Variants in FHAD1 observed in about 807,000 individuals in gnomAD.
FHAD1 encodes the protein forkhead-associated domain-containing protein 1.
A neutral mutation model predicts 191.3 loss-of-function variants in FHAD1; 146 were observed. The ratio of observed to expected loss-of-function variants is 0.76; its 90% CI spans 0.67 to 0.88. The LOEUF (loss-of-function observed/expected upper bound fraction) is 0.88, where lower values mean the gene tolerates loss of function less well. FHAD1 is among the 40% of genes least tolerant of loss of function. The probability of loss-of-function intolerance (pLI) is 0.00; values close to 1 mark genes in which losing one functional copy is unlikely to be tolerated. For missense variants in FHAD1, 1,635 were observed against 1,785.8 expected (o/e 0.92, Z 1.52); for synonymous variants, 616 against 672.3 (o/e 0.92, Z 1.29).
At chr1:15,358,000 G>T in intron 20 of FHAD1, 110 bp from the exon 21 acceptor site, 1 of 753,942 alleles carries the variant, frequency 1.3e-6, no homozygotes, top group South Asian at 2.2e-5. Flanking sequence ...AGAATCGACA[G>T]AATAATTAGA....
chr1:15,284,765 G>C (rs996090631), intron 3 of FHAD1, among the ~76,000 whole-genome samples: 2 of 152,152 alleles, frequency 1.3e-5, no homozygotes, highest in Non-Finnish European at 2.9e-5. Context: ...GTTTATTCAA[G>C]CTGATAGAAA....
intron 10 of FHAD1, among the ~76,000 whole-genome samples, chr1:15,321,104 T>C (rs1676108950): frequency 6.6e-6 from 1 of 152,188 alleles, no homozygotes; most frequent in African/African-American, 2.4e-5. Flanking sequence ...CCAGCTAAAC[T>C]TGTATTTTTA....
intron 1 of FHAD1, among the ~76,000 whole-genome samples, chr1:15,248,971 A>G (rs1189833033): frequency 6.6e-6 from 1 of 152,078 alleles, no homozygotes; most frequent in Non-Finnish European, 1.5e-5. Context: ...TGCCCTACAG[A>G]TGTCCTTGGA....
intron 2 of FHAD1, among the ~76,000 whole-genome samples, chr1:15,252,421 G>A (rs1646893843): frequency 1.3e-5 from 2 of 152,214 alleles, no homozygotes; most frequent in South Asian, 2.1e-4. Context: ...GGATGCTATG[G>A]AAAGGGGAGA....
At chr1:15,272,277 T>C (rs931267727) in intron 2 of FHAD1, 46 bp from the exon 3 acceptor site, 1 of 1,512,944 alleles carries the variant, frequency 6.6e-7, no homozygotes, top group Admixed American at 2.0e-5. Flanking sequence ...AGGGGCCGTG[T>C]CATTTTTGTT....
intron 14 of FHAD1, among the ~76,000 whole-genome samples, chr1:15,335,786 A>G (rs1683811100): frequency 1.3e-5 from 2 of 152,194 alleles, no homozygotes; most frequent in South Asian, 4.1e-4. Flanking sequence ...CAAAATCCCC[A>G]TTATGATTAC....
Position 15,313,039 on chromosome 1 carries a change from G to T in FHAD1, c.1040-18G>T. The T allele has an allele frequency of 6.4e-7, 1 of 1,551,364 alleles. No homozygotes were observed. Among genetic ancestry groups the T allele is most frequent in the Non-Finnish European group, 8.7e-7 (1 of 1,146,828 alleles). On this transcript the variant is annotated intron_variant, in intron 7 of 33. Transcript: ENST00000688493. The stretch of plus-strand genomic sequence containing the variant: ...TCCTCACTGCCTCTTTGACCTCTGC[G>T]AGTCTTCTTTTTTACAGGGATGGTG...
intron 32 of FHAD1, among the ~76,000 whole-genome samples, chr1:15,390,544 G>A (rs1410403189): frequency 6.6e-6 from 1 of 151,922 alleles, no homozygotes; most frequent in Non-Finnish European, 1.5e-5. Flanking sequence ...GGCCCCTGTA[G>A]GCATGAGGTT....
intron 31 of FHAD1, among the ~76,000 whole-genome samples, chr1:15,386,359 C>T (rs768939463): frequency 3.9e-5 from 6 of 152,228 alleles, no homozygotes; most frequent in Non-Finnish European, 2.9e-5. Flanking sequence ...CTCCTAGAGC[C>T]GGCAGCGCCT....
chr1:15,381,379 C>T lies in FHAD1; in HGVS notation c.3950C>T (p.Thr1317Ile). The change falls in exon 30 of 34, where the codon ACC (threonine) becomes ATC (isoleucine). Residue 1317 changes from threonine (T) to isoleucine (I), a missense_variant. Transcript: ENST00000688493. This position sits in a 1 kb window ranked among gnomAD's most constrained non-coding sequence, Gnocchi z 4.6. ...CTCGACCTGGTGTTTGATAAGATCA[C>T]CCAACTCAAGAACCAGCTGGGGAGG... Reference protein sequence around the residue: ...RDLDLVFDKITQLKNQLGRKE... With the variant: ...RDLDLVFDKIIQLKNQLGRKE... The T allele has an allele frequency of 6.4e-7, 1 of 1,551,754 alleles. No homozygotes were observed. The highest frequency in any genetic ancestry group is 8.7e-7 in the Non-Finnish European group (1 of 1,147,002).
intron 26 of FHAD1, 50 bp downstream of exon 26, chr1:15,369,552 C>G (rs1309148483): frequency 6.6e-7 from 1 of 1,526,664 alleles, no homozygotes; most frequent in East Asian, 2.5e-5. Context: ...AAGACACAGC[C>G]CAGTGGTGGC....
chr1:15,383,362 A>ATGACCCATGCTGCCCG (rs1553120754), intron 31 of FHAD1: 4 of 417,810 alleles, frequency 9.6e-6, no homozygotes, highest in African/African-American at 4.0e-5. Context: ...CATGCTGCCC[A>ATGACCCATGCTGCCCG]TGACCCATGC....
chr1:15,348,572 A>T (rs578195297), intron 18 of FHAD1, among the ~76,000 whole-genome samples: 73 of 152,338 alleles, frequency 4.8e-4, no homozygotes, highest in African/African-American at 1.7e-3. Context: ...TTAGTCCAAC[A>T]TACTGCCCTT....
chr1:15,236,665 T>C (rs1395610431), exon 1 of FHAD1, among the ~76,000 whole-genome samples: 1 of 152,184 alleles, frequency 6.6e-6, no homozygotes, highest in Non-Finnish European at 1.5e-5. Context: ...AGATTCTGTC[T>C]GAGGTTGGAT....
At chr1:15,378,917 G>A (rs967779920) in intron 28 of FHAD1, among the ~76,000 whole-genome samples, 2 of 152,130 alleles carry the variant, frequency 1.3e-5, no homozygotes, top group African/African-American at 4.8e-5. Context: ...CGCTTGGCCT[G>A]GTGGCTTTTC....
At position 15,345,528 on chromosome 1, in the gene FHAD1, G is replaced by A. The variant is rs370617715; in HGVS notation, c.2346+5G>A. ...CGCTTGGCCCGCCAGAAGGAGGTAC[G>A]CTCGGGGAGATAGAGTCGGCTGAGC... On this transcript the variant is annotated splice_donor_5th_base_variant and intron_variant, in intron 18 of 33. Coordinates refer to ENST00000688493, the MANE Select transcript of FHAD1 (RefSeq NM_001391957.1). 183 of 1,550,820 alleles carry A rather than the reference G, an allele frequency of 1.2e-4. No homozygotes were observed. The highest frequency in any genetic ancestry group is 1.5e-4 in the Non-Finnish European group (174 of 1,146,064).
intron 3 of FHAD1, among the ~76,000 whole-genome samples, chr1:15,285,377 CA>C (rs1398831074): frequency 4.6e-5 from 7 of 152,138 alleles, no homozygotes; most frequent in African/African-American, 1.7e-4. Flanking sequence ...ACTAAAAATA[CA>C]AAAAATTAGC....
intron 3 of FHAD1, among the ~76,000 whole-genome samples, chr1:15,277,394 C>T (rs1658782778): frequency 6.6e-6 from 1 of 152,224 alleles, no homozygotes; most frequent in Admixed American, 6.5e-5. Context: ...CAGTTTCCAA[C>T]TTTTGCCGGG....
chr1:15,270,868 C>T (rs1655605634), intron 2 of FHAD1, among the ~76,000 whole-genome samples: 2 of 151,992 alleles, frequency 1.3e-5, no homozygotes, highest in Admixed American at 1.3e-4. Context: ...GGTGAAACCC[C>T]GTCTCTCATG....
Sources: gnomAD v4.1 joint callset for allele counts (sites outside exome capture counted in the v4.1 genomes callset) on GRCh38, gnomAD v4.1.1 for gene constraint, Gnocchi (gnomAD v3.1) non-coding constraint, MANE v1.5 for transcripts, NCBI Gene and HGNC (gene_info 2026-07-23, HGNC 2026-07-21) for gene names.